Variants in ATP11A observed in about 807,000 individuals in gnomAD.
ATP11A encodes the protein phospholipid-transporting ATPase IH.
Under a neutral mutation model 154.4 loss-of-function variants are expected in ATP11A, and 81 were observed. The observed-to-expected ratio is 0.52, with a 90% CI of 0.44 to 0.63. The LOEUF (loss-of-function observed/expected upper bound fraction) is 0.63, where lower values mean the gene tolerates loss of function less well. ATP11A is among the 30% of genes least tolerant of loss of function. ATP11A has a pLI of 0.00. For missense variants in ATP11A, 1,316 were observed against 1,474.3 expected (o/e 0.89, Z 1.76); for synonymous variants, 623 against 585.9 (o/e 1.06, Z -0.91).
chr13:112,703,546 A>G (rs1032205179), intron 1 of ATP11A, among the ~76,000 whole-genome samples: 1 of 152,218 alleles, frequency 6.6e-6, no homozygotes, highest in African/African-American at 2.4e-5. Context: ...CTGTTGCTTT[A>G]TGAAATAGAT....
At position 112,862,540 on chromosome 13, in the gene ATP11A, G is replaced by C. The variant is rs543346107; in HGVS notation, c.2956G>C (p.Val986Leu). 3.2e-5 allele frequency: 52 copies of C among 1,614,170 alleles called. No homozygotes were observed. In the South Asian group the frequency reaches 3.6e-4, roughly 11 times the overall value. Residue 986 changes from valine (V) to leucine (L), a missense_variant, in exon 25 of 30, where the codon GTG (valine) becomes CTG (leucine). Coordinates refer to ENST00000375645, the MANE Select transcript of ATP11A (RefSeq NM_015205.3). Reference sequence around the variant, plus strand: ...GGTGTTCTTCTTTGGTGCTTATTTCGTGTTTGAAAATACAACTGTGACAAG... The same window carrying C: ...GGTGTTCTTCTTTGGTGCTTATTTCCTGTTTGAAAATACAACTGTGACAAG... ...ALVFFFGAYF[V>L]FENTTVTSNG...
intron 29 of ATP11A, chr13:112,880,603 C>A: frequency 7.7e-7 from 1 of 1,299,684 alleles, no homozygotes. Context: ...TGGGCCCCTC[C>A]TGAAGGACCT....
chr13:112,728,607 G>A (rs1391200987), intron 1 of ATP11A, among the ~76,000 whole-genome samples: 1 of 145,806 alleles, frequency 6.9e-6, no homozygotes, highest in Non-Finnish European at 1.5e-5. Flanking sequence ...GGGGGGCCGT[G>A]AGACCGTGCG....
chr13:112,858,826 G>A (rs1260479560), intron 22 of ATP11A: 1 of 160,822 alleles, frequency 6.2e-6, no homozygotes, highest in Non-Finnish European at 1.4e-5. Context: ...ATGTTTTGTT[G>A]TTACTCTTTC....
rs969892547 is a variant in ATP11A, at chr13:112,850,976, G to A, written c.1810-61G>A. 24 of 1,527,376 alleles carry A rather than the reference G, an allele frequency of 1.6e-5. No individual in the cohort carries two copies. The African/African-American group carries it at 2.9e-4, about 18-fold the overall frequency. 94.6% of individuals were successfully genotyped at this position (1,527,376 alleles called of 1,614,324 possible). A position where few individuals can be genotyped will look rare whatever the true frequency, so the allele number is the denominator to read the frequency against. ...GAAGGGATACTGGGAAGGCCGTGGA[G>A]CGTAATATTTCAGCAAGTGACACCT... On this transcript the variant is annotated intron_variant, in intron 17 of 29. Transcript: ENST00000375645.
At chr13:112,768,728 T>A (rs1476766363) in intron 1 of ATP11A, among the ~76,000 whole-genome samples, 1 of 152,186 alleles carries the variant, frequency 6.6e-6, no homozygotes, top group Non-Finnish European at 1.5e-5. Context: ...AGGGACTCAG[T>A]CGTGGGGAAT....
At chr13:112,782,391 AG>A (rs1288379180) in intron 1 of ATP11A, among the ~76,000 whole-genome samples, 1 of 152,054 alleles carries the variant, frequency 6.6e-6, no homozygotes. Context: ...GAAAGTTTCT[AG>A]GATTTTCACT....
intron 11 of ATP11A, among the ~76,000 whole-genome samples, chr13:112,825,932 C>T (rs1042132488): frequency 2.0e-5 from 3 of 152,240 alleles, no homozygotes; most frequent in Admixed American, 6.5e-5. Flanking sequence ...AGGGTCTGCT[C>T]CCAGTCCAGA....
intron 29 of ATP11A, chr13:112,881,291 TG>T (rs1428598719): frequency 2.9e-5 from 29 of 996,986 alleles, no homozygotes; most frequent in Non-Finnish European, 6.0e-6. Flanking sequence ...TCAGAAGCCA[TG>T]CAGGCCCCAT....
At chr13:112,758,422 CT>C (rs958834689) in intron 1 of ATP11A, among the ~76,000 whole-genome samples, 42 of 148,396 alleles carry the variant, frequency 2.8e-4, no homozygotes, top group African/African-American at 1.1e-3. Flanking sequence ...CTTTTTTTTT[CT>C]TTTTTTTCTT....
At chr13:112,707,769 T>C (rs1242732867) in intron 1 of ATP11A, among the ~76,000 whole-genome samples, 1 of 152,146 alleles carries the variant, frequency 6.6e-6, no homozygotes, top group Non-Finnish European at 1.5e-5. Flanking sequence ...AAGTGGATCT[T>C]ATATGACAAC....
chr13:112,826,583 A>G, intron 11 of ATP11A, 111 bp from the exon 12 acceptor site: 1 of 856,634 alleles, frequency 1.2e-6, no homozygotes, highest in Non-Finnish European at 2.0e-6. Context: ...TCTTGTATTT[A>G]GTAGTAGCGC....
At chr13:112,798,004 A>G (rs995276872) in intron 2 of ATP11A, among the ~76,000 whole-genome samples, 2 of 152,180 alleles carry the variant, frequency 1.3e-5, no homozygotes, top group Admixed American at 1.3e-4. Flanking sequence ...TCTGCTTCCA[A>G]GATGGCTCCT....
intron 14 of ATP11A, 99 bp downstream of exon 14, chr13:112,833,122 A>AC (rs2079142908): frequency 4.8e-6 from 7 of 1,454,642 alleles, no homozygotes; most frequent in Non-Finnish European, 6.5e-6. Context: ...CCTCAGCCCC[A>AC]CCCTGTGCCC....
chr13:112,877,289 A>G (rs2080758127), intron 28 of ATP11A, among the ~76,000 whole-genome samples: 1 of 152,176 alleles, frequency 6.6e-6, no homozygotes, highest in Non-Finnish European at 1.5e-5. Context: ...CACCGGCCCC[A>G]AGCAGCCACT....
chr13:112,726,729 G>T (rs1889929556), intron 1 of ATP11A, among the ~76,000 whole-genome samples: 1 of 152,238 alleles, frequency 6.6e-6, no homozygotes, highest in Admixed American at 6.5e-5. Flanking sequence ...CACAGGAGCA[G>T]AAAATTAGTG....
rs1307709900 is a variant in ATP11A at position 112,884,943 on chromosome 13, C to A, written c.*3077C>A. On this transcript the variant is annotated 3_prime_UTR_variant, in exon 30 of 30. Transcript: ENST00000375645. ...GTTACCTGGCTTTTGGCTCCACGCT[C>A]ACTCATAGCCATGTCCACATGGGGG... The A allele has an allele frequency of 2.0e-5, 3 of 152,494 alleles. No homozygotes were observed. Among genetic ancestry groups the A allele is most frequent in the African/African-American group, 7.2e-5 (3 of 41,458 alleles). 9.4% of individuals were successfully genotyped at this position (152,494 alleles called of 1,614,324 possible). A position where few individuals can be genotyped will look rare whatever the true frequency, so the allele number is the denominator to read the frequency against.
chr13:112,880,546 A>T, intron 29 of ATP11A: 1 of 1,298,562 alleles, frequency 7.7e-7, no homozygotes, highest in Non-Finnish European at 1.0e-6. Context: ...CGCCTTGCAG[A>T]GGGGTGTGAA....
In ATP11A at chr13:112,845,620, A is replaced by T. The variant is rs1416404921; in HGVS notation, c.1809+3241A>T. ...AGTCCAGTTACCAGGCACTAGCGGT[A>T]CTAACCAGTCCAGTTGCCAGCACTA... On this transcript the variant is annotated intron_variant, in intron 17 of 29. Coordinates refer to ENST00000375645, the MANE Select transcript of ATP11A (RefSeq NM_015205.3). Among the ~76,000 whole-genome samples, 13 of 118,492 alleles carry T rather than the reference A, an allele frequency of 1.1e-4. 2 individuals carry two copies. Among genetic ancestry groups the T allele is most frequent in the African/African-American group, 5.1e-4 (12 of 23,400 alleles). The allele number at this position is 118,492 out of a possible 152,430, so 77.7% of individuals were successfully genotyped here.
Sources: allele counts gnomAD v4.1 joint callset (sites outside exome capture counted in the v4.1 genomes callset), GRCh38; gene constraint gnomAD v4.1.1; transcripts MANE v1.5; gene names NCBI Gene and HGNC (gene_info 2026-07-23, HGNC 2026-07-21).